Variants in STK31 observed in about 807,000 individuals in gnomAD.
STK31 encodes serine/threonine-protein kinase 31.
In STK31, 89 loss-of-function variants were observed where a neutral mutation model predicts 129.7. The ratio of observed to expected loss-of-function variants is 0.69; its 90% CI spans 0.58 to 0.82. The LOEUF is 0.82. Among genes scored for constraint, STK31 ranks in the 40% least tolerant of loss-of-function variants. The pLI is 0.00. For synonymous variants in STK31, 448 were observed against 395.3 expected, an observed-to-expected ratio of 1.13 and a Z score of -1.58; for missense variants, 1,187 against 1,176.4, an observed-to-expected ratio of 1.01 and a Z score of -0.13.
chr7:23,827,316 A>G (rs1794222863), intron 23 of STK31, among the ~76,000 whole-genome samples: 1 of 151,882 alleles, frequency 6.6e-6, no homozygotes, highest in Non-Finnish European at 1.5e-5. Flanking sequence ...TTTTTTCTCT[A>G]AACTTCTCTT....
chr7:23,749,955 G>C (rs1249012674), intron 8 of STK31, among the ~76,000 whole-genome samples: 1 of 151,246 alleles, frequency 6.6e-6, no homozygotes, highest in Non-Finnish European at 1.5e-5. Context: ...CCCCAGGTCA[G>C]TTAGGCTTTG....
intron 6 of STK31, among the ~76,000 whole-genome samples, chr7:23,732,454 T>C (rs1787490418): frequency 6.6e-6 from 1 of 152,190 alleles, no homozygotes; most frequent in Non-Finnish European, 1.5e-5. Context: ...AAAACACCCA[T>C]GTATCATATA....
rs1298559522 is a variant in STK31, at chr7:23,786,907, A to G, written c.2470A>G (p.Met824Val). ...RANLNAVQAN[M>V]PLNSEETLKV... is the part of the protein sequence containing the mutation. ...AAACCTGAATGCTGTTCAAGCCAAC[A>G]TGCCTTTAAATTCAGAAGTAAGTAA... The change falls in exon 20 of 24, where the codon ATG (methionine) becomes GTG (valine). Residue 824 changes from methionine (M) to valine (V), a missense_variant. By Grantham distance (21) the Met-to-Val change is conservative (BLOSUM62 1). Coordinates refer to ENST00000355870, the MANE Select transcript of STK31 (RefSeq NM_031414.5). The G allele has an allele frequency of 1.2e-6, 2 of 1,613,744 alleles. No individual in the cohort carries two copies. The highest frequency in any genetic ancestry group is 1.3e-5 in the African/African-American group (1 of 74,908).
intron 6 of STK31, among the ~76,000 whole-genome samples, chr7:23,731,361 C>G (rs997025939): frequency 1.3e-5 from 2 of 152,158 alleles, no homozygotes; most frequent in African/African-American, 4.8e-5. Flanking sequence ...GAAGTCTTTG[C>G]TAATACCCAC....
intron 23 of STK31, among the ~76,000 whole-genome samples, chr7:23,817,918 G>A (rs946632322): frequency 6.6e-6 from 1 of 150,996 alleles, no homozygotes; most frequent in Non-Finnish European, 1.5e-5. Flanking sequence ...TAAATACCTA[G>A]CTTTTGGTTT....
intron 11 of STK31, among the ~76,000 whole-genome samples, chr7:23,766,229 G>A (rs1383137077): frequency 1.3e-5 from 2 of 152,118 alleles, no homozygotes; most frequent in Non-Finnish European, 2.9e-5. Flanking sequence ...TTACACCTTT[G>A]ACAATAATAA....
chr7:23,832,405 C>CTTTGG lies in STK31; in HGVS notation c.*47_*51dup, dbSNP rs1794614987. ...TTGTTGCAGAGGTTCTTTTTAAAAA[C>CTTTGG]TTTGGTTTGGTTAATACACAGAAAT... is the stretch of plus-strand genomic sequence containing the variant. On this transcript the variant is annotated 3_prime_UTR_variant, in exon 24 of 24. Coordinates refer to ENST00000355870, the MANE Select transcript of STK31 (RefSeq NM_031414.5). 1 of 1,476,036 alleles carries CTTTGG rather than the reference C, an allele frequency of 6.8e-7. No individual in the cohort carries two copies. The highest frequency in any genetic ancestry group is 1.4e-5 in the African/African-American group (1 of 70,714). 91.4% of individuals were successfully genotyped at this position (1,476,036 alleles called of 1,614,324 possible).
intron 20 of STK31, among the ~76,000 whole-genome samples, chr7:23,787,448 C>T (rs1425279745): frequency 6.6e-6 from 1 of 151,978 alleles, no homozygotes; most frequent in Admixed American, 6.6e-5. Flanking sequence ...CAGACTGGTA[C>T]CAGTCTGTGG....
Position 23,774,417 on chromosome 7 carries a change from A to G in STK31, c.1965+2139A>G, listed in dbSNP as rs145643510. On this transcript the variant is annotated intron_variant, in intron 15 of 23. Transcript: ENST00000355870. ...CCACCAACAGTGTAAAAGTGTTCCT[A>G]TTTCTCCACATCCTCCCCACTGTCT... Among the ~76,000 whole-genome samples, 221 of 152,206 alleles carry G rather than the reference A, an allele frequency of 1.5e-3. 1 individual carries two copies. The highest frequency in any genetic ancestry group is 5.2e-3 in the African/African-American group (215 of 41,540).
Position 23,712,249 on chromosome 7 carries a change from G to T in STK31, c.113G>T (p.Gly38Val), listed in dbSNP as rs749898644. The change falls in exon 3 of 24, where the codon GGA (glycine) becomes GTA (valine). Residue 38 changes from glycine to valine, a missense_variant. Around this residue, in one of 5 missense-constraint regions of STK31, gnomAD observed 104 missense variants for 98.3 expected, o/e 1.06. Coordinates refer to ENST00000355870, the MANE Select transcript of STK31 (RefSeq NM_031414.5). ...THYDKVEDVV[G>V]SHIEDAVTFW... Reference sequence around the variant, plus strand: ...TTGATTTTAGTGGAAGATGTGGTTGGAAGTCACATAGAAGATGCAGTAACA... The same window carrying T: ...TTGATTTTAGTGGAAGATGTGGTTGTAAGTCACATAGAAGATGCAGTAACA... The T allele has an allele frequency of 2.5e-6, 4 of 1,614,026 alleles. No individual in the cohort carries two copies. The highest frequency in any genetic ancestry group is 3.4e-6 in the Non-Finnish European group (4 of 1,179,980).
At chr7:23,777,065 T>C (rs1197674398) in intron 15 of STK31, among the ~76,000 whole-genome samples, 1 of 152,222 alleles carries the variant, frequency 6.6e-6, no homozygotes, top group Non-Finnish European at 1.5e-5. Flanking sequence ...ATTTCTGCCT[T>C]AATTTTGTTA....
At chr7:23,800,863 G>A (rs1206807784) in intron 22 of STK31, among the ~76,000 whole-genome samples, 1 of 152,106 alleles carries the variant, frequency 6.6e-6, no homozygotes, top group Non-Finnish European at 1.5e-5. Flanking sequence ...ATCATCTTTT[G>A]TGATTCATTC....
chr7:23,713,210 TG>T (rs1333931349), intron 3 of STK31, among the ~76,000 whole-genome samples: 1 of 152,208 alleles, frequency 6.6e-6, no homozygotes, highest in African/African-American at 2.4e-5. Flanking sequence ...CTCATGTTAC[TG>T]TACTGAATGC....
Position 23,764,567 on chromosome 7 carries a change from C to G in STK31, c.1416+1644C>G, listed in dbSNP as rs145313918. Among the ~76,000 whole-genome samples the G allele has an allele frequency of 3.9e-3, 592 of 152,050 alleles. 7 individuals are homozygous for G. Among genetic ancestry groups the G allele is most frequent in the African/African-American group, 0.013 (542 of 41,506 alleles). Reference sequence around the variant, plus strand: ...ACAATACATGTTTGATTTTTTGTGACTGGTCTTCTTAAGTTCAAAAAGAAA... The same window carrying G: ...ACAATACATGTTTGATTTTTTGTGAGTGGTCTTCTTAAGTTCAAAAAGAAA... On this transcript the variant is annotated intron_variant, in intron 11 of 23. Coordinates refer to ENST00000355870, the MANE Select transcript of STK31 (RefSeq NM_031414.5).
At chr7:23,776,845 A>G (rs1790584596) in intron 15 of STK31, among the ~76,000 whole-genome samples, 1 of 151,574 alleles carries the variant, frequency 6.6e-6, no homozygotes, top group South Asian at 2.1e-4. Flanking sequence ...GATCTTAGTT[A>G]TTTCTTGTCT....
intron 6 of STK31, 111 bp from the exon 7 acceptor site, chr7:23,735,427 A>G (rs1787659740): frequency 2.1e-6 from 2 of 940,862 alleles, no homozygotes; most frequent in South Asian, 1.7e-5. Flanking sequence ...CAGCAAAGTA[A>G]TATAGAGATT....
intron 22 of STK31, among the ~76,000 whole-genome samples, chr7:23,798,724 A>G (rs1792166956): frequency 6.6e-6 from 1 of 152,196 alleles, no homozygotes; most frequent in South Asian, 2.1e-4. Flanking sequence ...ACTCCTATTT[A>G]ACATACTATT....
intron 18 of STK31, 95 bp downstream of exon 18, chr7:23,785,698 T>C: frequency 2.0e-6 from 3 of 1,468,600 alleles, no homozygotes; most frequent in Non-Finnish European, 2.7e-6. Flanking sequence ...CACTGTTAGT[T>C]TTCTAAAGTG....
chr7:23,781,516 A>G lies in STK31; in HGVS notation c.2063A>G (p.Glu688Gly). 6.3e-7 allele frequency: 1 copy of G among 1,599,072 alleles called. No homozygotes were observed. The highest frequency in any genetic ancestry group is 8.5e-7 in the Non-Finnish European group (1 of 1,172,484). Residue 688 changes from glutamate to glycine, a missense_variant, in exon 16 of 24, where the codon GAA becomes GGA. Around this residue, in one of 5 missense-constraint regions of STK31, gnomAD observed 975 missense variants for 934.9 expected, o/e 1.04. Coordinates refer to ENST00000355870, the MANE Select transcript of STK31 (RefSeq NM_031414.5). The part of the protein sequence containing the change: ...VFQEIYHERE[E>G]YEMLTSLAQK... ...CAGGAAATTTATCATGAGAGAGAGG[A>G]ATATGTAAGTATTTGGTTCTTTGAA...
Sources: gnomAD v4.1 joint callset for allele counts (sites outside exome capture counted in the v4.1 genomes callset) on GRCh38, gnomAD v4.1.1 for gene constraint, gnomAD v4.1.1 regional missense constraint, MANE v1.5 for transcripts, NCBI Gene and HGNC (gene_info 2026-07-23, HGNC 2026-07-21) for gene names.